Variants in HHAT observed in about 807,000 individuals in gnomAD.
The protein encoded by HHAT is protein-cysteine N-palmitoyltransferase HHAT.
Under a neutral mutation model 70.8 loss-of-function variants are expected in HHAT, and 47 were observed. The observed-to-expected ratio is 0.66, with a 90% CI of 0.53 to 0.85. The LOEUF (loss-of-function observed/expected upper bound fraction) is 0.85. Ranked by LOEUF, HHAT falls within the 40% of genes least tolerant of loss-of-function variation. The probability of loss-of-function intolerance (pLI) is 0.00; values close to 1 mark genes in which losing one functional copy is unlikely to be tolerated. For missense variants in HHAT, 609 were observed against 604.8 expected (o/e 1.01, Z -0.07); for synonymous variants, 228 against 247.6 (o/e 0.92, Z 0.74).
intron 11 of HHAT, among the ~76,000 whole-genome samples, chr1:210,644,997 A>C (rs1673735353): frequency 1.3e-5 from 2 of 152,134 alleles, no homozygotes; most frequent in Non-Finnish European, 2.9e-5. Context: ...CACATTTACT[A>C]ATTGCACTTG....
intron 9 of HHAT, among the ~76,000 whole-genome samples, chr1:210,569,373 CAA>C (rs71146233): frequency 0.029 from 817 of 28,240 alleles, 10 homozygotes; most frequent in African/African-American, 0.095. Context: ...GAGTCTGCCT[CAA>C]AAAAAAAAAA....
At chr1:210,401,773 A>C (rs1196326937) in intron 5 of HHAT, among the ~76,000 whole-genome samples, 1 of 152,136 alleles carries the variant, frequency 6.6e-6, no homozygotes, top group African/African-American at 2.4e-5. Flanking sequence ...TTCTGAGTTG[A>C]GTTTCCTGTG....
chr1:210,485,090 C>T (rs977066934), intron 8 of HHAT, among the ~76,000 whole-genome samples: 3 of 152,022 alleles, frequency 2.0e-5, no homozygotes, highest in South Asian at 2.1e-4. Flanking sequence ...TCGTGTTGAG[C>T]GGCTACCAGA....
intron 11 of HHAT, among the ~76,000 whole-genome samples, chr1:210,669,211 G>C (rs1276937837): frequency 6.6e-6 from 1 of 152,166 alleles, no homozygotes; most frequent in African/African-American, 2.4e-5. Flanking sequence ...CAAACCGCAG[G>C]CTTTCCATTC....
chr1:210,449,481 G>A (rs539104966), intron 7 of HHAT, among the ~76,000 whole-genome samples: 1 of 152,286 alleles, frequency 6.6e-6, no homozygotes, highest in East Asian at 1.9e-4. Flanking sequence ...GCGCTGGGAT[G>A]GTTCATTTCT....
chr1:210,633,267 A>G (rs558372849), intron 11 of HHAT, among the ~76,000 whole-genome samples: 1 of 152,198 alleles, frequency 6.6e-6, no homozygotes, highest in Non-Finnish European at 1.5e-5. Flanking sequence ...CCCACTTCAA[A>G]TGTTCAGGTC....
At chr1:210,504,902 C>CTTT (rs71571952) in intron 8 of HHAT, among the ~76,000 whole-genome samples, 2,005 of 124,476 alleles carry the variant, frequency 0.016, 84 homozygotes, top group Admixed American at 0.052. Flanking sequence ...GCTTTTTATT[C>CTTT]TTTTTTTTTT....
Position 210,642,479 on chromosome 1 carries a change from A to G in HHAT, c.1390+18809A>G, listed in dbSNP as rs1311221504. On this transcript the variant is annotated intron_variant, in intron 11 of 11. Transcript: ENST00000261458. ...CCAATTTATTGTCTCACAAGAGTGC[A>G]TGAGGAACCTAGTGGCCTCAAATCC... 4.6e-5 allele frequency among the ~76,000 whole-genome samples: 7 copies of G among 152,230 alleles called. No individual in the cohort carries two copies. The South Asian group carries it at 1.2e-3, about 27-fold the overall frequency.
chr1:210,507,517 C>G (rs111795168), intron 8 of HHAT, among the ~76,000 whole-genome samples: 2 of 151,800 alleles, frequency 1.3e-5, no homozygotes, highest in African/African-American at 4.8e-5. Flanking sequence ...CCCAACACCA[C>G]GCCTGGCTAA....
At chr1:210,449,242 G>T (rs183909913) in intron 7 of HHAT, among the ~76,000 whole-genome samples, 5 of 149,428 alleles carry the variant, frequency 3.3e-5, no homozygotes, top group African/African-American at 9.8e-5. Context: ...TCCTTTTTCT[G>T]CCTTTTCCCC....
At chr1:210,633,059 A>G (rs1671183660) in intron 11 of HHAT, among the ~76,000 whole-genome samples, 1 of 152,210 alleles carries the variant, frequency 6.6e-6, no homozygotes, top group African/African-American at 2.4e-5. Context: ...CGTAACAAAC[A>G]GACACTAAAT....
intron 9 of HHAT, among the ~76,000 whole-genome samples, chr1:210,526,027 C>G (rs1393176826): frequency 1.3e-5 from 2 of 152,146 alleles, no homozygotes; most frequent in African/African-American, 4.8e-5. Flanking sequence ...TTCTTCCTTG[C>G]AGGAAGAGTC....
rs544024814 is a variant in HHAT, at chr1:210,491,720, C to T, written c.1008-21433C>T. On this transcript the variant is annotated intron_variant, in intron 8 of 11. Transcript: ENST00000261458. ...AGCTACTTGCAGAGCTCTTCCCTACCGGCATTCACCTAATGGACCATATTT... is the reference window on the plus strand; with the variant it reads ...AGCTACTTGCAGAGCTCTTCCCTACTGGCATTCACCTAATGGACCATATTT... Among the ~76,000 whole-genome samples, 19 of 152,198 alleles carry T rather than the reference C, an allele frequency of 1.2e-4. No homozygotes were observed. In the South Asian group the frequency reaches 2.1e-3, roughly 17 times the overall value.
chr1:210,521,220 G>T (rs1247770856), intron 9 of HHAT, among the ~76,000 whole-genome samples: 2 of 152,208 alleles, frequency 1.3e-5, no homozygotes, highest in Non-Finnish European at 2.9e-5. Flanking sequence ...TCTGATGAGA[G>T]AGAAGGTAGA....
intron 4 of HHAT, among the ~76,000 whole-genome samples, chr1:210,398,780 G>C (rs1002975667): frequency 2.0e-5 from 3 of 152,132 alleles, no homozygotes; most frequent in African/African-American, 7.2e-5. Context: ...TCTTAAAATA[G>C]TCTTTGGCCA....
chr1:210,562,283 C>T (rs2095630137), intron 9 of HHAT, among the ~76,000 whole-genome samples: 2 of 151,696 alleles, frequency 1.3e-5, no homozygotes, highest in Admixed American at 1.3e-4. Flanking sequence ...TTTTTCTAAT[C>T]TGCATCGTTG....
chr1:210,350,752 G>T (rs1392646013), intron 2 of HHAT, among the ~76,000 whole-genome samples: 1 of 151,742 alleles, frequency 6.6e-6, no homozygotes, highest in Non-Finnish European at 1.5e-5. Context: ...CTTTTTTGTT[G>T]TTGTTGTATT....
chr1:210,443,253 TA>T (rs2093564109), intron 7 of HHAT, among the ~76,000 whole-genome samples: 6 of 94,712 alleles, frequency 6.3e-5, no homozygotes, highest in Non-Finnish European at 1.3e-4. Flanking sequence ...TGTAGCCTTG[TA>T]GTATAGTTTG....
chr1:210,569,938 A>G (rs2148731550), intron 9 of HHAT, among the ~76,000 whole-genome samples: 1 of 152,166 alleles, frequency 6.6e-6, no homozygotes. Context: ...TATTATCCCT[A>G]TGCCTAGCCT....
Sources: gnomAD v4.1 joint callset for allele counts (sites outside exome capture counted in the v4.1 genomes callset) on GRCh38, gnomAD v4.1.1 for gene constraint, MANE v1.5 for transcripts, NCBI Gene and HGNC (gene_info 2026-07-23, HGNC 2026-07-21) for gene names.